The following PLAGL1 variants were observed in gnomAD, a reference collection of about 807,000 sequenced individuals.
The protein encoded by PLAGL1 is PLAG1 like zinc finger 1.
In PLAGL1, 1 loss-of-function variant was observed where a neutral mutation model predicts 4.6. The ratio of observed to expected loss-of-function variants is 0.22; its 90% CI spans 0.08 to 1.03. The LOEUF is 1.03. PLAGL1 is among the 50% of genes least tolerant of loss of function. PLAGL1 has a pLI of 0.58. For missense variants in PLAGL1, 464 were observed against 570.4 expected (o/e 0.81, Z 1.90); for synonymous variants, 240 against 237.8 (o/e 1.01, Z -0.08).
rs1278866139 is a variant in PLAGL1, at chr6:144,059,937, T to A, written c.-151+4531A>T. On this transcript the variant is annotated intron_variant, in intron 1 of 3. Transcript: ENST00000437412. This position sits in a 1 kb window ranked among gnomAD's most constrained non-coding sequence, Gnocchi z 4.9. ...TTCACTGTCCCCAGGTGGCCAAGGGTCTGAAAGGTCATTTCCCCCCATCTA... is the reference window on the plus strand; with the variant it reads ...TTCACTGTCCCCAGGTGGCCAAGGGACTGAAAGGTCATTTCCCCCCATCTA... 6.6e-6 allele frequency among the ~76,000 whole-genome samples: 1 copy of A among 152,046 alleles called. No individual in the cohort carries two copies. Among genetic ancestry groups the A allele is most frequent in the Non-Finnish European group, 1.5e-5 (1 of 67,998 alleles).
chr6:143,943,926 G>C (rs745379384), intron 7 of PLAGL1, among the ~76,000 whole-genome samples: 12 of 152,144 alleles, frequency 7.9e-5, no homozygotes, highest in African/African-American at 1.7e-4. Context: ...GTGGTATAAG[G>C]AAACCCTGAG....
At chr6:144,021,315 C>G (rs1416559671) in intron 1 of PLAGL1, among the ~76,000 whole-genome samples, 1 of 152,114 alleles carries the variant, frequency 6.6e-6, no homozygotes, top group Admixed American at 6.5e-5. Context: ...GAAATTTTAG[C>G]AATTATTACT....
Position 143,957,299 on chromosome 6 carries a change from TG to T in PLAGL1, c.-325+3169del, listed in dbSNP as rs5880579. Among the ~76,000 whole-genome samples, 81,356 of 151,948 alleles carry T rather than the reference TG, an allele frequency of 0.54. 22,239 individuals are homozygous for T. The highest frequency in any genetic ancestry group is 0.61 in the Non-Finnish European group (41,730 of 67,950). On this transcript the variant is annotated intron_variant, in intron 6 of 7. Transcript: ENST00000674357. The surrounding 1 kb of genome is among the most constrained non-coding windows in gnomAD (Gnocchi z 4.2). ...TGAATGAAGACTCTCAGGAGTCTGGTGGGGGGGTGAGGGGTGGAGAGCAACT... is the reference window on the plus strand; with the variant it reads ...TGAATGAAGACTCTCAGGAGTCTGGTGGGGGGTGAGGGGTGGAGAGCAACT...
rs1358253445 is a variant in PLAGL1, at chr6:143,997,460, T to C, written c.-584+10630A>G. The stretch of plus-strand genomic sequence containing the variant: ...AAAAAATACAAAAAGAACTACCTAT[T>C]GATAGATGCATCAACACAGATGACT... On this transcript the variant is annotated intron_variant, in intron 1 of 7. Transcript: ENST00000674357. The surrounding 1 kb of genome is among the most constrained non-coding windows in gnomAD (Gnocchi z 4.6). 1.3e-5 allele frequency among the ~76,000 whole-genome samples: 2 copies of C among 152,150 alleles called. No individual in the cohort carries two copies. The highest frequency in any genetic ancestry group is 4.8e-5 in the African/African-American group (2 of 41,410).
In PLAGL1 at chr6:143,958,503, C is replaced by G. The variant is rs9321952; in HGVS notation, c.-325+1966G>C. ...TGCACCTGTTCCCAAGCTCACTCCA[C>G]TTCCTCCAGAAGCATGCCTGTCTGC... On this transcript the variant is annotated intron_variant, in intron 6 of 7. Transcript: ENST00000674357. The surrounding 1 kb of genome is among the most constrained non-coding windows in gnomAD (Gnocchi z 5.1). 6.6e-6 allele frequency among the ~76,000 whole-genome samples: 1 copy of G among 151,946 alleles called. No individual in the cohort carries two copies. The highest frequency in any genetic ancestry group is 1.5e-5 in the Non-Finnish European group (1 of 67,970).
In PLAGL1 at chr6:143,954,167, C is replaced by G. The variant is rs1781631171; in HGVS notation, c.-324-5707G>C. ...CCTATACAAGGCCCCAGCTGACAAG[C>G]CCCACCTAAGTATACAAAGCTCCCA... On this transcript the variant is annotated intron_variant, in intron 6 of 7. Coordinates refer to ENST00000674357, the MANE Select transcript of PLAGL1 (RefSeq NM_001317162.2). This position sits in a 1 kb window ranked among gnomAD's most constrained non-coding sequence, Gnocchi z 5.1. Among the ~76,000 whole-genome samples, 1 of 152,154 alleles carries G rather than the reference C, an allele frequency of 6.6e-6. No individual in the cohort carries two copies. Among genetic ancestry groups the G allele is most frequent in the African/African-American group, 2.4e-5 (1 of 41,420 alleles).
Position 144,027,558 on chromosome 6 carries a change from A to G in PLAGL1, c.-151+36910T>C, listed in dbSNP as rs141950304. Among the ~76,000 whole-genome samples the G allele has an allele frequency of 2.5e-3, 377 of 152,264 alleles. 3 individuals carry two copies. The highest frequency in any genetic ancestry group is 8.4e-3 in the African/African-American group (351 of 41,548). On this transcript the variant is annotated intron_variant, in intron 1 of 3. Transcript: ENST00000437412. The surrounding 1 kb of genome is among the most constrained non-coding windows in gnomAD (Gnocchi z 5.8). ...ACAACACTAACCTCCACCTCCCACC[A>G]TCCTCCAGCACCAACTGCACCCATG...
rs1788469409 is a variant in PLAGL1, at chr6:143,983,816, TC to T, written c.-544+1318del. 2.0e-5 allele frequency among the ~76,000 whole-genome samples: 3 copies of T among 151,942 alleles called. No homozygotes were observed. ...GAGAATGGGGTGCTGGGACTCAAGA[TC>T]ATGGAGTGAGAGCAGTTCTTATTAA... On this transcript the variant is annotated intron_variant, in intron 2 of 7. Transcript: ENST00000674357. This position sits in a 1 kb window ranked among gnomAD's most constrained non-coding sequence, Gnocchi z 6.6.
rs777301222 is a variant in PLAGL1, at chr6:143,953,812, C to T, written c.-324-5352G>A. Among the ~76,000 whole-genome samples the T allele has an allele frequency of 6.6e-6, 1 of 152,202 alleles. No individual in the cohort carries two copies. The highest frequency in any genetic ancestry group is 1.5e-5 in the Non-Finnish European group (1 of 68,042). Reference sequence around the variant, plus strand: ...AACCTGCTATACCCTGAAGCATCTACCATATGTCTCTGCAATTTGGTACAG... The same window carrying T: ...AACCTGCTATACCCTGAAGCATCTATCATATGTCTCTGCAATTTGGTACAG... On this transcript the variant is annotated intron_variant, in intron 6 of 7. Transcript: ENST00000674357. This position sits in a 1 kb window ranked among gnomAD's most constrained non-coding sequence, Gnocchi z 5.3.
rs867290461 is a variant in PLAGL1, at chr6:143,966,973, C to T, written c.-471-775G>A. 3.9e-5 allele frequency: 6 copies of T among 152,158 alleles called. No homozygotes were observed. The highest frequency in any genetic ancestry group is 7.2e-5 in the African/African-American group (3 of 41,438). The allele number at this position is 152,158 out of a possible 1,614,324, so 9.4% of individuals were successfully genotyped here. A position where few individuals can be genotyped will look rare whatever the true frequency, so the allele number is the denominator to read the frequency against. On this transcript the variant is annotated intron_variant, in intron 3 of 7. Transcript: ENST00000674357. This position sits in a 1 kb window ranked among gnomAD's most constrained non-coding sequence, Gnocchi z 6.0. ...CTCAGTCCACTATGCAGCATGCATA[C>T]TCTACTTAATACTAGGTTGTGTTCC...
At position 143,963,757 on chromosome 6, in the gene PLAGL1, CCTTCT is replaced by C. The variant is rs1783869292; in HGVS notation, c.-399+1025_-399+1029del. 6.6e-6 allele frequency among the ~76,000 whole-genome samples: 1 copy of C among 152,200 alleles called. No individual in the cohort carries two copies. The highest frequency in any genetic ancestry group is 6.5e-5 in the Admixed American group (1 of 15,282). ...ACTTTATTGTCTCTCAAATCTATTTCCTTCTCTTAATTCCCATAGCTACCTGCTGT... is the reference window on the plus strand; with the variant it reads ...ACTTTATTGTCTCTCAAATCTATTTCCTTAATTCCCATAGCTACCTGCTGT... On this transcript the variant is annotated intron_variant, in intron 5 of 7. Coordinates refer to ENST00000674357, the MANE Select transcript of PLAGL1 (RefSeq NM_001317162.2). This position sits in a 1 kb window ranked among gnomAD's most constrained non-coding sequence, Gnocchi z 6.1.
intron 1 of PLAGL1, among the ~76,000 whole-genome samples, chr6:144,014,322 C>G (rs1299564388): frequency 6.6e-6 from 1 of 151,990 alleles, no homozygotes; most frequent in Non-Finnish European, 1.5e-5. Flanking sequence ...CCCAGCTACT[C>G]AGGAGGCTAA....
In PLAGL1 at chr6:144,061,002, C is replaced by A. The variant is rs1799348610; in HGVS notation, c.-151+3466G>T. Among the ~76,000 whole-genome samples the A allele has an allele frequency of 6.6e-6, 1 of 152,216 alleles. No individual in the cohort carries two copies. Among genetic ancestry groups the A allele is most frequent in the South Asian group, 2.1e-4 (1 of 4,836 alleles). ...TATGACTTCCTTATAGCTTTTCCACCATTTCTCTCCCCTGCCCCCAAAAGG... is the reference window on the plus strand; with the variant it reads ...TATGACTTCCTTATAGCTTTTCCACAATTTCTCTCCCCTGCCCCCAAAAGG... On this transcript the variant is annotated intron_variant, in intron 1 of 3. Coordinates refer to the PLAGL1 transcript ENST00000437412. The surrounding 1 kb of genome is among the most constrained non-coding windows in gnomAD (Gnocchi z 4.4).
intron 2 of PLAGL1, among the ~76,000 whole-genome samples, chr6:143,976,276 A>ATT (rs1583345677): frequency 1.1e-5 from 1 of 91,062 alleles, no homozygotes; most frequent in Non-Finnish European, 2.4e-5. Context: ...TGAGCCTGAG[A>ATT]TTTCTTTTCT....
rs990758166 is a variant in PLAGL1 at position 143,979,851 on chromosome 6, G to A, written c.-544+5284C>T. ...AGTTTAAAAAAAAAGATTTCCTTTAGTATTTCTTACACTGTGGGTCTACTG... is the reference window on the plus strand; with the variant it reads ...AGTTTAAAAAAAAAGATTTCCTTTAATATTTCTTACACTGTGGGTCTACTG... On this transcript the variant is annotated intron_variant, in intron 2 of 7. Transcript: ENST00000674357. This position sits in a 1 kb window ranked among gnomAD's most constrained non-coding sequence, Gnocchi z 4.6. 1.3e-5 allele frequency among the ~76,000 whole-genome samples: 2 copies of A among 151,974 alleles called. No individual in the cohort carries two copies. Among genetic ancestry groups the A allele is most frequent in the Middle Eastern group, 3.4e-3 (1 of 294 alleles).
Position 143,948,454 on chromosome 6 carries a change from G to A in PLAGL1, c.-318C>T, listed in dbSNP as rs1583082202. ...AGCTGGGGCATGTCCTGGGTCCCCC[G>A]GATTGGCTGTGGAGAGAAGAGGAAC... is the stretch of plus-strand genomic sequence containing the variant. On this transcript the variant is annotated 5_prime_UTR_variant, in exon 7 of 8. Coordinates refer to ENST00000674357, the MANE Select transcript of PLAGL1 (RefSeq NM_001317162.2). The surrounding 1 kb of genome is among the most constrained non-coding windows in gnomAD (Gnocchi z 6.0). The A allele has an allele frequency of 3.8e-6, 1 of 263,808 alleles. No individual in the cohort carries two copies. Among genetic ancestry groups the A allele is most frequent in the South Asian group, 7.3e-5 (1 of 13,772 alleles). The allele number at this position is 263,808 out of a possible 1,614,324, so 16.3% of individuals were successfully genotyped here. A position where few individuals can be genotyped will look rare whatever the true frequency, so the allele number is the denominator to read the frequency against.
At chr6:144,042,004 T>A (rs1021367054) in intron 1 of PLAGL1, among the ~76,000 whole-genome samples, 3 of 152,210 alleles carry the variant, frequency 2.0e-5, no homozygotes, top group Non-Finnish European at 4.4e-5. Flanking sequence ...TCTGTTCATA[T>A]CCTTTGCCCA....
intron 1 of PLAGL1, among the ~76,000 whole-genome samples, chr6:144,040,524 G>A (rs1797648165): frequency 6.6e-6 from 1 of 151,352 alleles, no homozygotes; most frequent in Non-Finnish European, 1.5e-5. Context: ...GGGAGACTCA[G>A]TCTCAAAAAA....
At chr6:144,028,596 T>G (rs1796549480) in intron 1 of PLAGL1, among the ~76,000 whole-genome samples, 1 of 152,206 alleles carries the variant, frequency 6.6e-6, no homozygotes. Flanking sequence ...CTTCTCCCAG[T>G]GAAATACATA....
Sources: gnomAD v4.1 joint callset for allele counts (sites outside exome capture counted in the v4.1 genomes callset) on GRCh38, gnomAD v4.1.1 for gene constraint, Gnocchi (gnomAD v3.1) non-coding constraint, MANE v1.5 for transcripts, NCBI Gene and HGNC (gene_info 2026-07-23, HGNC 2026-07-21) for gene names.